The following OPCML variants were observed in gnomAD, a reference collection of about 807,000 sequenced individuals.
OPCML encodes the protein opioid-binding protein/cell adhesion molecule.
In OPCML, 13 loss-of-function variants were observed where a neutral mutation model predicts 37.8. The ratio of observed to expected loss-of-function variants is 0.34; its 90% CI spans 0.22 to 0.55. The LOEUF (loss-of-function observed/expected upper bound fraction) is 0.55. OPCML is among the 20% of genes least tolerant of loss of function. The pLI is 0.91. For missense variants in OPCML, 341 were observed against 435.6 expected, an observed-to-expected ratio of 0.78 and a Z score of 1.93; for synonymous variants, 176 against 168.8, an observed-to-expected ratio of 1.04 and a Z score of -0.33.
chr11:132,579,958 G>A (rs376311374), intron 3 of OPCML, among the ~76,000 whole-genome samples: 3 of 152,132 alleles, frequency 2.0e-5, no homozygotes, highest in Non-Finnish European at 4.4e-5. Flanking sequence ...AGAGCTTTAC[G>A]CCTTCCCTGG....
chr11:133,146,162 A>G, intron 1 of OPCML, among the ~76,000 whole-genome samples: 1 of 152,120 alleles, frequency 6.6e-6, no homozygotes, highest in East Asian at 1.9e-4. Flanking sequence ...GCTGCGTAAA[A>G]GAGAAATGGG....
At chr11:132,509,339 G>A (rs1415232371) in intron 4 of OPCML, among the ~76,000 whole-genome samples, 6 of 146,098 alleles carry the variant, frequency 4.1e-5, no homozygotes, top group East Asian at 2.0e-4. Flanking sequence ...GCCTGACTAC[G>A]TGATAGAAAA....
intron 4 of OPCML, among the ~76,000 whole-genome samples, chr11:132,511,652 AG>A (rs141241338): frequency 0.21 from 31,618 of 151,976 alleles, 3,386 homozygotes; most frequent in Non-Finnish European, 0.23. Flanking sequence ...CATTAGAAAA[AG>A]GATTATGTTT....
At chr11:133,021,828 A>C (rs4936180) in intron 1 of OPCML, among the ~76,000 whole-genome samples, 29 of 152,082 alleles carry the variant, frequency 1.9e-4, no homozygotes, top group African/African-American at 7.0e-4. Context: ...CGTTGGCATC[A>C]GGGGACATTT....
intron 1 of OPCML, among the ~76,000 whole-genome samples, chr11:133,240,244 C>CA (rs1940678239): frequency 1.4e-5 from 2 of 138,294 alleles, no homozygotes; most frequent in South Asian, 5.0e-4. Flanking sequence ...AACAGAGGGG[C>CA]AAAAAAACAG....
At chr11:132,474,822 G>A (rs536520480) in intron 4 of OPCML, among the ~76,000 whole-genome samples, 2 of 152,270 alleles carry the variant, frequency 1.3e-5, no homozygotes, top group Admixed American at 6.5e-5. Flanking sequence ...TTCCAAAGTC[G>A]TGGATTGCAG....
In OPCML at chr11:133,163,486, T is replaced by C. The variant is rs962554642; in HGVS notation, c.62-220476A>G. Among the ~76,000 whole-genome samples, 17 of 152,234 alleles carry C rather than the reference T, an allele frequency of 1.1e-4. 1 individual carries two copies. The highest frequency in any genetic ancestry group is 8.5e-4 in the Admixed American group (13 of 15,290). On this transcript the variant is annotated intron_variant, in intron 1 of 7. Transcript: ENST00000524381. ...TACCAGACAGGAAGGGGCATGTTCA[T>C]AGACGTTTAAAAGGCAGGAGTCATT...
At chr11:132,694,783 G>C (rs1347126597) in intron 2 of OPCML, among the ~76,000 whole-genome samples, 1 of 152,108 alleles carries the variant, frequency 6.6e-6, no homozygotes, top group Non-Finnish European at 1.5e-5. Context: ...AGGATCCCAG[G>C]ACTTTGGAGT....
chr11:132,697,844 C>T lies in OPCML; in HGVS notation c.147-40525G>A, dbSNP rs528247524. On this transcript the variant is annotated intron_variant, in intron 2 of 7. Transcript: ENST00000524381. ...GCAGTGGTGTAATCATGGCTTACTG[C>T]AGCCTTGTCCTCCGGGGCTCAAGTA... is the stretch of plus-strand genomic sequence containing the variant. Among the ~76,000 whole-genome samples the T allele has an allele frequency of 3.9e-5, 6 of 152,184 alleles. No individual in the cohort carries two copies. The South Asian group carries it at 1.2e-3, about 32-fold the overall frequency.
In OPCML at chr11:132,592,298, C is replaced by T. The variant is rs139006912; in HGVS notation, c.380-63112G>A. Among the ~76,000 whole-genome samples the T allele has an allele frequency of 3.3e-5, 5 of 152,284 alleles. No homozygotes were observed. The East Asian group carries it at 5.8e-4, about 18-fold the overall frequency. On this transcript the variant is annotated intron_variant, in intron 3 of 7. Coordinates refer to ENST00000524381, the MANE Select transcript of OPCML (RefSeq NM_001012393.5). Reference sequence around the variant, plus strand: ...TTGTGAGAGATGGACCAGTTCATTGCTGTACCTTGGAGCCTGAGGGAGGGG... The same window carrying T: ...TTGTGAGAGATGGACCAGTTCATTGTTGTACCTTGGAGCCTGAGGGAGGGG...
intron 1 of OPCML, among the ~76,000 whole-genome samples, chr11:133,320,795 C>T (rs1943310982): frequency 6.6e-6 from 1 of 152,198 alleles, no homozygotes; most frequent in Admixed American, 6.5e-5. Flanking sequence ...TGCTGTCTCT[C>T]CTTTTTCCCA....
In OPCML at chr11:132,439,698, ATT is replaced by A. The variant is rs10548500; in HGVS notation, c.506-2341_506-2340del. Among the ~76,000 whole-genome samples, 1,383 of 147,770 alleles carry A rather than the reference ATT, an allele frequency of 9.4e-3. 21 individuals carry two copies. Among genetic ancestry groups the A allele is most frequent in the African/African-American group, 0.032 (1,270 of 39,894 alleles). ...AAAATGACGTTCCAGACACCTCGCC[ATT>A]TTTTTTTTTTTTCCTGAAAGAAATA... is the stretch of plus-strand genomic sequence containing the variant. On this transcript the variant is annotated intron_variant, in intron 4 of 7. Coordinates refer to ENST00000524381, the MANE Select transcript of OPCML (RefSeq NM_001012393.5).
At chr11:133,255,555 T>C (rs1054160459) in intron 1 of OPCML, among the ~76,000 whole-genome samples, 1 of 152,106 alleles carries the variant, frequency 6.6e-6, no homozygotes, top group Non-Finnish European at 1.5e-5. Context: ...CATTTTTGGA[T>C]TGGGGGATTG....
At chr11:132,998,548 C>T (rs940817613) in intron 1 of OPCML, among the ~76,000 whole-genome samples, 1 of 152,162 alleles carries the variant, frequency 6.6e-6, no homozygotes, top group African/African-American at 2.4e-5. Flanking sequence ...GGGGAAAAAA[C>T]AATCCCCAAC....
At chr11:132,733,534 A>G (rs566189729) in intron 2 of OPCML, among the ~76,000 whole-genome samples, 8 of 152,306 alleles carry the variant, frequency 5.3e-5, no homozygotes, top group Admixed American at 1.3e-4. Flanking sequence ...TGGTAATCCT[A>G]AGAATGGGAA....
intron 1 of OPCML, among the ~76,000 whole-genome samples, chr11:133,122,981 T>C (rs1949444772): frequency 6.6e-6 from 1 of 152,242 alleles, no homozygotes; most frequent in African/African-American, 2.4e-5. Context: ...ACTGCAAAGA[T>C]AGATATTCTA....
chr11:133,388,732 T>G (rs1373419969), intron 1 of OPCML, among the ~76,000 whole-genome samples: 1 of 152,236 alleles, frequency 6.6e-6, no homozygotes, highest in African/African-American at 2.4e-5. Flanking sequence ...ATTCTTACTC[T>G]CTGACTGAGA....
intron 2 of OPCML, among the ~76,000 whole-genome samples, chr11:132,864,503 G>T (rs1942446963): frequency 6.6e-6 from 1 of 152,108 alleles, no homozygotes; most frequent in Non-Finnish European, 1.5e-5. Context: ...ACCTCACAGG[G>T]TTCAATCAAT....
chr11:133,028,521 G>A lies in OPCML; in HGVS notation c.62-85511C>T, dbSNP rs1247455373. 2.6e-4 allele frequency among the ~76,000 whole-genome samples: 23 copies of A among 89,504 alleles called. No homozygotes were observed. In the Admixed American group the frequency reaches 3.0e-3, roughly 12 times the overall value. The allele number at this position is 89,504 out of a possible 152,430, so 58.7% of individuals were successfully genotyped here. On this transcript the variant is annotated intron_variant, in intron 1 of 7. Transcript: ENST00000524381. Reference sequence around the variant, plus strand: ...ACAAAGGTTTCAGTTGTTTGATAAGGAGCGTGTGTGTGTGTGTGTGTGTGT... The same window carrying A: ...ACAAAGGTTTCAGTTGTTTGATAAGAAGCGTGTGTGTGTGTGTGTGTGTGT...
Sources: gnomAD v4.1 joint callset for allele counts (sites outside exome capture counted in the v4.1 genomes callset) on GRCh38, gnomAD v4.1.1 for gene constraint, MANE v1.5 for transcripts, NCBI Gene and HGNC (gene_info 2026-07-23, HGNC 2026-07-21) for gene names.